Variants in PGGT1B observed in about 807,000 individuals in gnomAD.
PGGT1B encodes geranylgeranyl transferase type-1 subunit beta.
In PGGT1B, 30 loss-of-function variants were observed where a neutral mutation model predicts 46.1. The observed-to-expected ratio is 0.65, with a 90% CI of 0.49 to 0.88. PGGT1B has a LOEUF of 0.88. Among genes scored for constraint, PGGT1B ranks in the 40% least tolerant of loss-of-function variants. PGGT1B has a pLI of 0.00. For synonymous variants in PGGT1B, 170 were observed against 160.0 expected, an observed-to-expected ratio of 1.06 and a Z score of -0.47; for missense variants, 376 against 455.9, an observed-to-expected ratio of 0.82 and a Z score of 1.60.
chr5:115,241,591 C>A lies in PGGT1B; in HGVS notation c.275G>T (p.Arg92Leu). ...GTATGAAGAGCCTCGGAAACCACAG[C>A]GATTTAGATTTGATCCTAGAAAATA... ...LPTEDRSNLNRCGFRGSSYLG... is the reference protein window; with the variant it reads ...LPTEDRSNLNLCGFRGSSYLG... The change falls in exon 3 of 9, where the codon CGC (arginine) becomes CTC (leucine). Residue 92 changes from arginine (R) to leucine (L), a missense_variant. This residue lies in a region of PGGT1B where 154 missense variants were observed against 142.3 expected (regional missense o/e 1.08). Coordinates refer to ENST00000419445, the MANE Select transcript of PGGT1B (RefSeq NM_005023.4). 1 of 1,607,234 alleles carries A rather than the reference C, an allele frequency of 6.2e-7. No homozygotes were observed. Among genetic ancestry groups the A allele is most frequent in the Non-Finnish European group, 8.5e-7 (1 of 1,176,268 alleles).
chr5:115,261,189 A>C (rs1748542233), intron 1 of PGGT1B, among the ~76,000 whole-genome samples: 2 of 152,226 alleles, frequency 1.3e-5, no homozygotes, highest in South Asian at 4.1e-4. Context: ...AAAACATCTC[A>C]TATCACTACA....
At chr5:115,236,293 C>A in intron 5 of PGGT1B, 97 bp downstream of exon 5, 2 of 881,658 alleles carry the variant, frequency 2.3e-6, no homozygotes, top group South Asian at 1.8e-5. Flanking sequence ...CTCTTATTTA[C>A]AAATTGTTGG....
At chr5:115,257,133 T>C (rs372096599) in intron 1 of PGGT1B, among the ~76,000 whole-genome samples, 38 of 152,170 alleles carry the variant, frequency 2.5e-4, no homozygotes, top group African/African-American at 8.2e-4. Context: ...AAGAATCAAT[T>C]CACAGACAAG....
intron 5 of PGGT1B, among the ~76,000 whole-genome samples, chr5:115,233,915 TG>T (rs1343495522): frequency 6.6e-6 from 1 of 152,036 alleles, no homozygotes; most frequent in East Asian, 1.9e-4. Flanking sequence ...ATTTACCTTT[TG>T]ATCAGGCAAT....
Position 115,253,165 on chromosome 5 carries a change from A to G in PGGT1B, c.231T>C (p.Tyr77=), listed in dbSNP as rs2127029550. The G allele has an allele frequency of 6.2e-7, 1 of 1,606,904 alleles. No homozygotes were observed. Among genetic ancestry groups the G allele is most frequent in the Non-Finnish European group, 8.5e-7 (1 of 1,177,006 alleles). Residue 77 remains tyrosine, a synonymous_variant, in exon 2 of 9, where the codon TAT becomes TAC. Coordinates refer to ENST00000419445, the MANE Select transcript of PGGT1B (RefSeq NM_005023.4). ...CTTCTGTGGGAAGGACCTGCAGGGA[A>G]TAAATCCACTCTATTATATCATCTT... is the stretch of plus-strand genomic sequence containing the variant. ...VNKDDIIEWI[Y]SLQVLPTEDR...
Position 115,207,882 on chromosome 5 carries a change from G to A in PGGT1B, c.*4520C>T, listed in dbSNP as rs1756108771. On this transcript the variant is annotated 3_prime_UTR_variant, in exon 9 of 9. Coordinates refer to ENST00000419445, the MANE Select transcript of PGGT1B (RefSeq NM_005023.4). ...TCTCCTTTGCTTTGAAATTTAAGAT[G>A]CTGGCTTTTAGGTAGAGGTACAATG... 2 of 152,052 alleles carry A rather than the reference G, an allele frequency of 1.3e-5. No individual in the cohort carries two copies. The highest frequency in any genetic ancestry group is 4.1e-4 in the South Asian group (2 of 4,830). 9.4% of individuals were successfully genotyped at this position (152,052 alleles called of 1,614,324 possible).
At chr5:115,244,284 T>C (rs1302568988) in intron 2 of PGGT1B, among the ~76,000 whole-genome samples, 1 of 151,382 alleles carries the variant, frequency 6.6e-6, no homozygotes, top group Non-Finnish European at 1.5e-5. Context: ...GCTAACACAG[T>C]GAAACCCCGT....
chr5:115,230,325 C>T lies in PGGT1B; in HGVS notation c.658+651G>A, dbSNP rs528909201. Among the ~76,000 whole-genome samples the T allele has an allele frequency of 2.6e-5, 4 of 152,222 alleles. No homozygotes were observed. The East Asian group carries it at 7.7e-4, about 29-fold the overall frequency. Reference sequence around the variant, plus strand: ...GATGAGGAAGAAAGTGAAATTCACTCAGAGAGTCTCCATGACCTGGCCTTT... The same window carrying T: ...GATGAGGAAGAAAGTGAAATTCACTTAGAGAGTCTCCATGACCTGGCCTTT... On this transcript the variant is annotated intron_variant, in intron 6 of 8. Coordinates refer to ENST00000419445, the MANE Select transcript of PGGT1B (RefSeq NM_005023.4).
At chr5:115,257,374 C>T (rs188184533) in intron 1 of PGGT1B, among the ~76,000 whole-genome samples, 17 of 151,834 alleles carry the variant, frequency 1.1e-4, no homozygotes, top group Middle Eastern at 3.4e-3. Flanking sequence ...GTCAGCTAGG[C>T]GTGGTGGTGG....
chr5:115,204,233 G>A lies in PGGT1B; in HGVS notation c.*8169C>T, dbSNP rs1397944487. 2 of 152,116 alleles carry A rather than the reference G, an allele frequency of 1.3e-5. No homozygotes were observed. Among genetic ancestry groups the A allele is most frequent in the African/African-American group, 4.8e-5 (2 of 41,424 alleles). The allele number at this position is 152,116 out of a possible 1,614,324, so 9.4% of individuals were successfully genotyped here. A position where few individuals can be genotyped will look rare whatever the true frequency, so the allele number is the denominator to read the frequency against. ...GTGATTGGTTCTCAACTTTGAATGTGCATTGAAACCACTTGGAGGGCTTGT... is the reference window on the plus strand; with the variant it reads ...GTGATTGGTTCTCAACTTTGAATGTACATTGAAACCACTTGGAGGGCTTGT... On this transcript the variant is annotated 3_prime_UTR_variant, in exon 9 of 9. Transcript: ENST00000419445.
rs142086837 is a variant in PGGT1B, at chr5:115,212,007, T to C, written c.*395A>G. On this transcript the variant is annotated 3_prime_UTR_variant, in exon 9 of 9. Transcript: ENST00000419445. ...TACGATCAGCAGTGAGCTTTTTAAA[T>C]GATCACTAAGTGTTCACCTGAAGAT... is the stretch of plus-strand genomic sequence containing the variant. 7.2e-3 allele frequency: 1,144 copies of C among 158,756 alleles called. 14 individuals carry two copies. The highest frequency in any genetic ancestry group is 0.026 in the African/African-American group (1,077 of 41,684). The allele number at this position is 158,756 out of a possible 1,614,324, so 9.8% of individuals were successfully genotyped here.
intron 8 of PGGT1B, among the ~76,000 whole-genome samples, chr5:115,215,353 C>T (rs1037964018): frequency 6.6e-6 from 1 of 151,956 alleles, no homozygotes; most frequent in Non-Finnish European, 1.5e-5. Flanking sequence ...GGCTGGAGTG[C>T]AGTGGTGTGA....
chr5:115,222,140 G>A (rs921069258), intron 6 of PGGT1B, 132 bp from the exon 7 acceptor site: 1 of 492,622 alleles, frequency 2.0e-6, no homozygotes, highest in Non-Finnish European at 3.5e-6. Flanking sequence ...TTTAAAAGAT[G>A]AGATTTTAAA....
chr5:115,253,913 A>C (rs997964062), intron 1 of PGGT1B, among the ~76,000 whole-genome samples: 2 of 152,054 alleles, frequency 1.3e-5, no homozygotes, highest in Non-Finnish European at 2.9e-5. Flanking sequence ...TATAAAAATC[A>C]GTATCTTACC....
chr5:115,235,370 T>A (rs901421583), intron 5 of PGGT1B, among the ~76,000 whole-genome samples: 1 of 152,082 alleles, frequency 6.6e-6, no homozygotes, highest in African/African-American at 2.4e-5. Flanking sequence ...TGGAAAATCA[T>A]CAATGCATAC....
intron 1 of PGGT1B, among the ~76,000 whole-genome samples, chr5:115,259,413 G>A (rs973410079): frequency 6.6e-6 from 1 of 152,156 alleles, no homozygotes; most frequent in African/African-American, 2.4e-5. Flanking sequence ...AAGGGGGCCG[G>A]GCACGGTGGC....
intron 1 of PGGT1B, among the ~76,000 whole-genome samples, chr5:115,255,678 G>T (rs1239777776): frequency 6.6e-6 from 1 of 152,108 alleles, no homozygotes. Context: ...AAGCTATGTA[G>T]TAAGAGAATT....
At chr5:115,242,859 G>C (rs1004164450) in intron 2 of PGGT1B, among the ~76,000 whole-genome samples, 1 of 152,006 alleles carries the variant, frequency 6.6e-6, no homozygotes, top group African/African-American at 2.4e-5. Flanking sequence ...CCCAGCTACT[G>C]GGGAAGCTGA....
At chr5:115,213,702 G>A (rs545881659) in intron 8 of PGGT1B, among the ~76,000 whole-genome samples, 2 of 152,276 alleles carry the variant, frequency 1.3e-5, no homozygotes, top group East Asian at 1.9e-4. Context: ...GCCTAGGGAG[G>A]TTGAGGCTGC....
Sources: gnomAD v4.1 joint callset for allele counts (sites outside exome capture counted in the v4.1 genomes callset) on GRCh38, gnomAD v4.1.1 for gene constraint, gnomAD v4.1.1 regional missense constraint, MANE v1.5 for transcripts, NCBI Gene and HGNC (gene_info 2026-07-23, HGNC 2026-07-21) for gene names.